The following ST8SIA4 variants were observed in gnomAD, a reference collection of about 807,000 sequenced individuals.
ST8SIA4 encodes ST8 alpha-N-acetyl-neuraminide alpha-2,8-sialyltransferase 4, also known as CMP-N-acetylneuraminate-poly-alpha-2,8-sialyltransferase.
Under a neutral mutation model 33.9 loss-of-function variants are expected in ST8SIA4, and 15 were observed. That is an observed-to-expected ratio of 0.44 (90% CI 0.30 to 0.68). The LOEUF is 0.68. ST8SIA4 is among the 30% of genes least tolerant of loss of function. ST8SIA4 has a pLI of 0.10. For missense variants in ST8SIA4, 321 were observed against 428.0 expected, an observed-to-expected ratio of 0.75 and a Z score of 2.21; for synonymous variants, 171 against 151.2, an observed-to-expected ratio of 1.13 and a Z score of -0.96.
chr5:100,856,661 G>A (rs1751819998), intron 3 of ST8SIA4, among the ~76,000 whole-genome samples: 1 of 152,138 alleles, frequency 6.6e-6, no homozygotes, highest in Non-Finnish European at 1.5e-5. Flanking sequence ...AATATCCTTT[G>A]CTATTATCTC....
At chr5:100,884,103 A>G (rs1752486267) in intron 3 of ST8SIA4, among the ~76,000 whole-genome samples, 1 of 152,232 alleles carries the variant, frequency 6.6e-6, no homozygotes, top group Admixed American at 6.5e-5. Context: ...ACTGAACATC[A>G]CTGGAGTTGG....
intron 3 of ST8SIA4, among the ~76,000 whole-genome samples, chr5:100,879,128 A>G (rs962769234): frequency 6.6e-5 from 10 of 152,212 alleles, no homozygotes; most frequent in African/African-American, 2.2e-4. Context: ...GCTTATCTTT[A>G]CCTTTCTATA....
At chr5:100,875,436 G>A (rs1752284520) in intron 3 of ST8SIA4, among the ~76,000 whole-genome samples, 1 of 152,154 alleles carries the variant, frequency 6.6e-6, no homozygotes, top group Admixed American at 6.5e-5. Flanking sequence ...AAAGTTCTGA[G>A]TGGGAACACC....
chr5:100,847,075 A>G (rs1348522271), intron 4 of ST8SIA4, among the ~76,000 whole-genome samples: 1 of 152,088 alleles, frequency 6.6e-6, no homozygotes, highest in Non-Finnish European at 1.5e-5. Context: ...TAAAATACCT[A>G]ATACGCGGCA....
chr5:100,880,506 G>A lies in ST8SIA4; in HGVS notation c.503+5837C>T, dbSNP rs142524540. 2.9e-4 allele frequency among the ~76,000 whole-genome samples: 44 copies of A among 152,244 alleles called. No homozygotes were observed. The East Asian group carries it at 6.0e-3, about 21-fold the overall frequency. Reference sequence around the variant, plus strand: ...AGGGAAAATGACTGGCAGGCACATCGTCTGTCCCTGAAGCTTCAGATTACC... The same window carrying A: ...AGGGAAAATGACTGGCAGGCACATCATCTGTCCCTGAAGCTTCAGATTACC... On this transcript the variant is annotated intron_variant, in intron 3 of 4. Coordinates refer to ENST00000231461, the MANE Select transcript of ST8SIA4 (RefSeq NM_005668.6).
At chr5:100,902,715 A>C (rs1752947862) in intron 1 of ST8SIA4, 128 bp downstream of exon 1, 2 of 803,266 alleles carry the variant, frequency 2.5e-6, no homozygotes, top group Non-Finnish European at 4.2e-6. Context: ...TATTTAATTC[A>C]TGACACTAAC....
intron 4 of ST8SIA4, among the ~76,000 whole-genome samples, chr5:100,821,679 A>G (rs1751033616): frequency 6.6e-6 from 1 of 152,226 alleles, no homozygotes; most frequent in Admixed American, 6.5e-5. Flanking sequence ...AAAGTACACT[A>G]ACTAAACATC....
At chr5:100,880,641 G>A (rs944106468) in intron 3 of ST8SIA4, among the ~76,000 whole-genome samples, 12 of 152,154 alleles carry the variant, frequency 7.9e-5, no homozygotes, top group Admixed American at 5.2e-4. Context: ...AATGCAACCC[G>A]TCACATCAGT....
intron 4 of ST8SIA4, among the ~76,000 whole-genome samples, chr5:100,832,861 C>T (rs1473041614): frequency 6.6e-6 from 1 of 152,058 alleles, no homozygotes; most frequent in Non-Finnish European, 1.5e-5. Flanking sequence ...TTTCATCTAC[C>T]TTACTACTCT....
chr5:100,902,890 T>C lies in ST8SIA4; in HGVS notation c.66A>G (p.Thr22=). 1 of 1,614,256 alleles carries C rather than the reference T, an allele frequency of 6.2e-7. No individual in the cohort carries two copies. The highest frequency in any genetic ancestry group is 8.5e-7 in the Non-Finnish European group (1 of 1,180,044). ...TISLLLIFYK[T]KEIARTEEHQ... Reference sequence around the variant, plus strand: ...GCTCCTCAGTTCTTGCTATTTCTTTTGTCTTATAAAAGATCAGGAGCAGAC... The same window carrying C: ...GCTCCTCAGTTCTTGCTATTTCTTTCGTCTTATAAAAGATCAGGAGCAGAC... Residue 22 remains threonine, a synonymous_variant, in exon 1 of 5, where the codon ACA becomes ACG. Coordinates refer to ENST00000231461, the MANE Select transcript of ST8SIA4 (RefSeq NM_005668.6).
chr5:100,825,553 T>C (rs931064280), intron 4 of ST8SIA4, among the ~76,000 whole-genome samples: 2 of 152,184 alleles, frequency 1.3e-5, no homozygotes, highest in Non-Finnish European at 2.9e-5. Flanking sequence ...ATTGTTCTCA[T>C]AGACTTTAAA....
At chr5:100,858,509 A>G (rs1266217140) in intron 3 of ST8SIA4, among the ~76,000 whole-genome samples, 2 of 152,070 alleles carry the variant, frequency 1.3e-5, no homozygotes, top group Non-Finnish European at 1.5e-5. Flanking sequence ...CAATTACTGT[A>G]TACTTTTTCT....
At chr5:100,812,201 T>C (rs1750831084) in intron 4 of ST8SIA4, 72 bp from the exon 5 acceptor site, 2 of 1,301,652 alleles carry the variant, frequency 1.5e-6, no homozygotes, top group Non-Finnish European at 1.0e-6. Context: ...ATAGCAAGTA[T>C]ATAATGCAGA....
chr5:100,841,642 C>T (rs1354563039), intron 4 of ST8SIA4, among the ~76,000 whole-genome samples: 1 of 151,800 alleles, frequency 6.6e-6, no homozygotes, highest in Non-Finnish European at 1.5e-5. Context: ...TCCTTCCTTG[C>T]TTTGTTTGTG....
intron 2 of ST8SIA4, 52 bp from the exon 3 acceptor site, chr5:100,886,652 A>C: frequency 7.1e-7 from 1 of 1,399,288 alleles, no homozygotes; most frequent in Non-Finnish European, 1.0e-6. Flanking sequence ...ATATCCAAGA[A>C]CTGATGGTGT....
At chr5:100,886,286 C>A in intron 3 of ST8SIA4, 57 bp downstream of exon 3, 2 of 1,571,772 alleles carry the variant, frequency 1.3e-6, no homozygotes, top group Non-Finnish European at 1.7e-6. Flanking sequence ...AGTTTTCCAC[C>A]CCCAAGTAAA....
rs146760234 is a variant in ST8SIA4, at chr5:100,880,466, G to T, written c.503+5877C>A. Among the ~76,000 whole-genome samples the T allele has an allele frequency of 6.6e-3, 1,007 of 152,230 alleles. 13 individuals carry two copies. The highest frequency in any genetic ancestry group is 0.023 in the African/African-American group (965 of 41,544). ...GGGGTAAAACCACCCATAGGTATGT[G>T]GGTAAGAGGGTTTCAGGGAAAATGA... On this transcript the variant is annotated intron_variant, in intron 3 of 4. Coordinates refer to ENST00000231461, the MANE Select transcript of ST8SIA4 (RefSeq NM_005668.6).
chr5:100,886,139 G>C, intron 3 of ST8SIA4: 1 of 1,357,230 alleles, frequency 7.4e-7, no homozygotes. Flanking sequence ...TGCTATGACA[G>C]GATCACTTTT....
chr5:100,857,074 A>G (rs774531587), intron 3 of ST8SIA4, among the ~76,000 whole-genome samples: 10 of 152,068 alleles, frequency 6.6e-5, no homozygotes, highest in Non-Finnish European at 1.2e-4. Flanking sequence ...CCTTCCTGTT[A>G]TTTTAGGACA....
Sources: gnomAD v4.1 joint callset for allele counts (sites outside exome capture counted in the v4.1 genomes callset) on GRCh38, gnomAD v4.1.1 for gene constraint, MANE v1.5 for transcripts, NCBI Gene and HGNC (gene_info 2026-07-23, HGNC 2026-07-21) for gene names.